Variants in MTMR12 observed in about 807,000 individuals in gnomAD.
MTMR12 encodes myotubularin related protein 12.
In MTMR12, 33 loss-of-function variants were observed where a neutral mutation model predicts 96.7. The ratio of observed to expected loss-of-function variants is 0.34; its 90% CI spans 0.26 to 0.46. MTMR12 has a LOEUF of 0.46. Among genes scored for constraint, MTMR12 ranks in the 20% least tolerant of loss-of-function variants. The probability of loss-of-function intolerance (pLI) is 1.00; values close to 1 mark genes in which losing one functional copy is unlikely to be tolerated. For missense variants in MTMR12, 721 were observed against 896.1 expected (o/e 0.80, Z 2.49); for synonymous variants, 298 against 327.2 (o/e 0.91, Z 0.96).
intron 6 of MTMR12, among the ~76,000 whole-genome samples, chr5:32,263,863 G>A (rs1157590117): frequency 6.6e-6 from 1 of 152,196 alleles, no homozygotes; most frequent in Admixed American, 6.5e-5. Flanking sequence ...AGCACTAAAA[G>A]ACAGGCTTGG....
chr5:32,295,104 C>T (rs1750876548), intron 1 of MTMR12, among the ~76,000 whole-genome samples: 1 of 152,230 alleles, frequency 6.6e-6, no homozygotes. Flanking sequence ...TTTCCTGAAG[C>T]TGATTCCCAA....
At chr5:32,241,991 A>G (rs1258603748) in intron 12 of MTMR12, 66 bp downstream of exon 12, 9 of 1,320,266 alleles carry the variant, frequency 6.8e-6, no homozygotes, top group South Asian at 1.2e-5. Context: ...ATAAAGCTAC[A>G]TATACAAAAA....
intron 13 of MTMR12, among the ~76,000 whole-genome samples, chr5:32,238,139 GTC>G (rs1181826954): frequency 9.6e-5 from 8 of 83,084 alleles, no homozygotes; most frequent in African/African-American, 3.9e-4. Flanking sequence ...GCAAGACTCC[GTC>G]TCAAAAAAAA....
At chr5:32,292,773 AC>A (rs1249426137) in intron 1 of MTMR12, among the ~76,000 whole-genome samples, 4 of 152,126 alleles carry the variant, frequency 2.6e-5, no homozygotes. Flanking sequence ...AAAAACCACG[AC>A]CTGCTGAGGT....
intron 6 of MTMR12, among the ~76,000 whole-genome samples, chr5:32,263,811 C>G (rs1286405297): frequency 6.6e-6 from 1 of 152,182 alleles, no homozygotes; most frequent in Non-Finnish European, 1.5e-5. Flanking sequence ...TTCTAGTCAT[C>G]TGACCATGAG....
At chr5:32,299,048 T>A (rs1581645275) in intron 1 of MTMR12, among the ~76,000 whole-genome samples, 1 of 150,512 alleles carries the variant, frequency 6.6e-6, no homozygotes, top group South Asian at 2.1e-4. Flanking sequence ...AACACACACA[T>A]GAATGCGCAC....
At chr5:32,245,343 A>C (rs559638170) in intron 10 of MTMR12, among the ~76,000 whole-genome samples, 2 of 152,260 alleles carry the variant, frequency 1.3e-5, no homozygotes, top group African/African-American at 2.4e-5. Context: ...GCCCCCTTTA[A>C]GGATTTTTTA....
Position 32,233,989 on chromosome 5 carries a change from A to C in MTMR12, c.1513-55T>G. 1 of 1,603,786 alleles carries C rather than the reference A, an allele frequency of 6.2e-7. No homozygotes were observed. Among genetic ancestry groups the C allele is most frequent in the Non-Finnish European group, 8.5e-7 (1 of 1,172,036 alleles). On this transcript the variant is annotated intron_variant, in intron 14 of 15. Transcript: ENST00000382142. This position sits in a 1 kb window ranked among gnomAD's most constrained non-coding sequence, Gnocchi z 5.0. Reference sequence around the variant, plus strand: ...TTCCAGGGAGGGCTGAGGAAGGCAAACACATACTTCTGGACACAGGCACCA... The same window carrying C: ...TTCCAGGGAGGGCTGAGGAAGGCAACCACATACTTCTGGACACAGGCACCA...
intron 7 of MTMR12, among the ~76,000 whole-genome samples, chr5:32,258,964 C>T (rs545797589): frequency 5.3e-5 from 8 of 151,176 alleles, no homozygotes; most frequent in East Asian, 2.0e-4. Flanking sequence ...CATCCATCAC[C>T]GAGCAGAGAA....
intron 3 of MTMR12, among the ~76,000 whole-genome samples, chr5:32,273,327 G>A (rs1581622526): frequency 1.3e-5 from 2 of 152,168 alleles, no homozygotes; most frequent in Non-Finnish European, 2.9e-5. Flanking sequence ...CTGGAGCCAC[G>A]ACTACGCCAC....
At chr5:32,262,524 C>T (rs967289835) in intron 7 of MTMR12, among the ~76,000 whole-genome samples, 3 of 151,818 alleles carry the variant, frequency 2.0e-5, no homozygotes, top group Non-Finnish European at 2.9e-5. Flanking sequence ...TCACTTGAGC[C>T]GAGACGGAGG....
intron 2 of MTMR12, 32 bp downstream of exon 2, chr5:32,276,650 C>T: frequency 6.3e-7 from 1 of 1,585,052 alleles, no homozygotes; most frequent in Non-Finnish European, 8.7e-7. Flanking sequence ...CTTTGCCTTG[C>T]ATAGGAGTTA....
chr5:32,283,206 A>G (rs1244948265), intron 1 of MTMR12, among the ~76,000 whole-genome samples: 2 of 152,174 alleles, frequency 1.3e-5, no homozygotes, highest in Non-Finnish European at 2.9e-5. Context: ...AGTAAATATA[A>G]TCTCTTTCTT....
Position 32,233,211 on chromosome 5 carries a change from C to CTTT in MTMR12, c.1674+559_1674+561dup, listed in dbSNP as rs767162675. On this transcript the variant is annotated intron_variant, in intron 15 of 15. Coordinates refer to ENST00000382142, the MANE Select transcript of MTMR12 (RefSeq NM_001040446.3). The surrounding 1 kb of genome is among the most constrained non-coding windows in gnomAD (Gnocchi z 5.0). ...CCTACTTGTTCACCTACTAAGGCTC[C>CTTT]TTTTTTTTTTTTCAAGTAAAGGAAT... 0.015 allele frequency among the ~76,000 whole-genome samples: 2,239 copies of CTTT among 145,176 alleles called. 26 individuals are homozygous for CTTT. The highest frequency in any genetic ancestry group is 0.025 in the Non-Finnish European group (1,612 of 65,686).
chr5:32,233,457 CACACACACACACACAA>C lies in MTMR12; in HGVS notation c.1674+300_1674+315del, dbSNP rs756801157. Among the ~76,000 whole-genome samples the C allele has an allele frequency of 4.8e-5, 7 of 147,170 alleles. No homozygotes were observed. In the East Asian group the frequency reaches 7.9e-4, roughly 17 times the overall value. ...ATCAATGTTCCTTTTACTCTACTAA[CACACACACACACACAA>C]ACACACACACACACACACACACACA... On this transcript the variant is annotated intron_variant, in intron 15 of 15. Coordinates refer to ENST00000382142, the MANE Select transcript of MTMR12 (RefSeq NM_001040446.3). This position sits in a 1 kb window ranked among gnomAD's most constrained non-coding sequence, Gnocchi z 5.0.
chr5:32,231,268 G>A (rs1747983616), intron 15 of MTMR12, among the ~76,000 whole-genome samples: 1 of 151,526 alleles, frequency 6.6e-6, no homozygotes, highest in Non-Finnish European at 1.5e-5. Context: ...GTGGTGGTGG[G>A]CACCCGAGGC....
At chr5:32,242,176 T>C in intron 11 of MTMR12, 49 bp from the exon 12 acceptor site, 1 of 1,402,414 alleles carries the variant, frequency 7.1e-7, no homozygotes, top group Non-Finnish European at 1.0e-6. Flanking sequence ...ATGAGCTTGG[T>C]AACACAAACA....
chr5:32,287,172 C>T lies in MTMR12; in HGVS notation c.82-10430G>A, dbSNP rs534334463. 6.6e-5 allele frequency among the ~76,000 whole-genome samples: 10 copies of T among 152,294 alleles called. No homozygotes were observed. In the South Asian group the frequency reaches 1.9e-3, roughly 28 times the overall value. On this transcript the variant is annotated intron_variant, in intron 1 of 15. Transcript: ENST00000382142. ...CAGAATGGCCATGTGATGGTTAATA[C>T]TGAGTGTCAACTTGATTAAAGGATG... is the stretch of plus-strand genomic sequence containing the variant.
intron 5 of MTMR12, among the ~76,000 whole-genome samples, chr5:32,269,045 TC>T (rs1400449053): frequency 6.6e-6 from 1 of 151,286 alleles, no homozygotes; most frequent in Non-Finnish European, 1.5e-5. Flanking sequence ...TTTTTTTTTT[TC>T]TGAGACAGCT....
Sources: gnomAD v4.1 joint callset for allele counts (sites outside exome capture counted in the v4.1 genomes callset) on GRCh38, gnomAD v4.1.1 for gene constraint, Gnocchi (gnomAD v3.1) non-coding constraint, MANE v1.5 for transcripts, NCBI Gene and HGNC (gene_info 2026-07-23, HGNC 2026-07-21) for gene names.